The following NRCAM variants were observed in gnomAD, a reference collection of about 807,000 sequenced individuals.
The protein encoded by NRCAM is neuronal cell adhesion molecule.
In NRCAM, 83 loss-of-function variants were observed where a neutral mutation model predicts 156.5. The ratio of observed to expected loss-of-function variants is 0.53; its 90% CI spans 0.44 to 0.64. NRCAM has a LOEUF of 0.64. Among genes scored for constraint, NRCAM ranks in the 30% least tolerant of loss-of-function variants. The pLI is 0.00. For synonymous variants in NRCAM, 538 were observed against 563.9 expected, an observed-to-expected ratio of 0.95 and a Z score of 0.65; for missense variants, 1,417 against 1,597.3, an observed-to-expected ratio of 0.89 and a Z score of 1.92.
chr7:108,217,757 G>A (rs2090074295), intron 11 of NRCAM, among the ~76,000 whole-genome samples: 1 of 152,188 alleles, frequency 6.6e-6, no homozygotes, highest in South Asian at 2.1e-4. Flanking sequence ...AGTAATGGCA[G>A]ATGCCCATAC....
At chr7:108,410,020 A>C (rs1426306477) in intron 1 of NRCAM, among the ~76,000 whole-genome samples, 1 of 152,136 alleles carries the variant, frequency 6.6e-6, no homozygotes, top group African/African-American at 2.4e-5. Context: ...TTTGTTTTTA[A>C]ATCATTACAA....
intron 11 of NRCAM, among the ~76,000 whole-genome samples, chr7:108,213,207 C>T (rs1371973077): frequency 6.6e-6 from 1 of 152,090 alleles, no homozygotes; most frequent in Non-Finnish European, 1.5e-5. Context: ...AGAGAATTTG[C>T]CATTACCAAA....
intron 1 of NRCAM, among the ~76,000 whole-genome samples, chr7:108,432,955 A>C (rs1827557954): frequency 6.6e-6 from 1 of 152,016 alleles, no homozygotes; most frequent in African/African-American, 2.4e-5. Context: ...AAGGAGAAGG[A>C]GAAGGAGGAG....
intron 1 of NRCAM, among the ~76,000 whole-genome samples, chr7:108,418,560 TACACACACACACACACAC>T (rs59582056): frequency 7.7e-5 from 11 of 143,624 alleles, no homozygotes; most frequent in East Asian, 4.2e-4. Context: ...ATACATATTA[TACACACACACACACACAC>T]ACACACACAC....
chr7:108,245,146 C>T lies in NRCAM; in HGVS notation c.-106-4976G>A, dbSNP rs1402908689. Among the ~76,000 whole-genome samples, 3 of 152,064 alleles carry T rather than the reference C, an allele frequency of 2.0e-5. No homozygotes were observed. In the East Asian group the frequency reaches 5.8e-4, roughly 29 times the overall value. ...TCAAGGTGTAGGATGGTGTCACCTG[C>T]TTAAATGTCACGTGATATGTGAAGT... is the stretch of plus-strand genomic sequence containing the variant. On this transcript the variant is annotated intron_variant, in intron 3 of 32. Transcript: ENST00000379028.
chr7:108,292,748 G>A (rs75116470), intron 3 of NRCAM, among the ~76,000 whole-genome samples: 2,546 of 152,162 alleles, frequency 0.017, 58 homozygotes, highest in African/African-American at 0.059. Flanking sequence ...GGGTTATTAC[G>A]AAGTTTAAGT....
intron 2 of NRCAM, among the ~76,000 whole-genome samples, chr7:108,344,511 C>T (rs997993424): frequency 1.3e-5 from 2 of 151,872 alleles, no homozygotes; most frequent in African/African-American, 4.8e-5. Flanking sequence ...CCTGCAAAAA[C>T]CAAACCAAAA....
At chr7:108,446,862 G>A (rs1844855038) in intron 1 of NRCAM, among the ~76,000 whole-genome samples, 1 of 151,388 alleles carries the variant, frequency 6.6e-6, no homozygotes, top group South Asian at 2.1e-4. Context: ...TGAGTAGCTG[G>A]GATTACAGAC....
At chr7:108,332,800 C>T (rs902050082) in intron 2 of NRCAM, among the ~76,000 whole-genome samples, 3 of 152,136 alleles carry the variant, frequency 2.0e-5, no homozygotes, top group African/African-American at 4.8e-5. Flanking sequence ...TGTCTAACTG[C>T]ATCGCTTTTA....
At position 108,299,184 on chromosome 7, in the gene NRCAM, C is replaced by T. The variant is rs573568833; in HGVS notation, c.-107+13481G>A. On this transcript the variant is annotated intron_variant, in intron 3 of 32. Coordinates refer to ENST00000379028, the MANE Select transcript of NRCAM (RefSeq NM_001037132.4). ...AAAAACCCAAAACACTGGGTGAGGA[C>T]GCAAAGGGGCCAGGGAAAGGAGTAA... 1.6e-4 allele frequency among the ~76,000 whole-genome samples: 23 copies of T among 139,816 alleles called. 1 individual carries two copies. The East Asian group carries it at 2.3e-3, about 14-fold the overall frequency. 91.7% of individuals were successfully genotyped at this position (139,816 alleles called of 152,430 possible).
At chr7:108,191,621 C>T (rs1587468061) in intron 18 of NRCAM, 108 bp downstream of exon 18, 8 of 1,309,768 alleles carry the variant, frequency 6.1e-6, no homozygotes, top group Non-Finnish European at 7.2e-6. Context: ...ATGAACTCAC[C>T]CATGCATATT....
At chr7:108,186,930 G>C (rs981837153) in intron 20 of NRCAM, among the ~76,000 whole-genome samples, 1 of 152,126 alleles carries the variant, frequency 6.6e-6, no homozygotes, top group African/African-American at 2.4e-5. Flanking sequence ...AATGACATGG[G>C]ATATAAAGTT....
chr7:108,349,108 T>TA (rs2099392201), intron 2 of NRCAM, among the ~76,000 whole-genome samples: 1 of 152,116 alleles, frequency 6.6e-6, no homozygotes, highest in African/African-American at 2.4e-5. Flanking sequence ...TGATGAGTAA[T>TA]AGAGTGTGAC....
rs2063678699 is a variant in NRCAM at position 108,181,870 on chromosome 7, C to T, written c.2598G>A (p.Trp866Ter). 2 of 1,614,122 alleles carry T rather than the reference C, an allele frequency of 1.2e-6. No individual in the cohort carries two copies. The highest frequency in any genetic ancestry group is 1.7e-6 in the Non-Finnish European group (2 of 1,180,012). ...VVNSTLAEVH[W>*]DPVPLKSIRG... ...GGATGCTTTTCAGAGGTACTGGGTC[C>T]CAGTGCACCTCGGCTAAGGTACTGT... is the stretch of plus-strand genomic sequence containing the variant. Residue 866 changes from tryptophan to a stop codon, truncating the protein, a stop_gained, in exon 24 of 33, where the codon TGG (tryptophan) becomes TGA (stop). Transcript: ENST00000379028. LOFTEE classifies it high-confidence loss of function.
chr7:108,363,546 C>T (rs1231169094), intron 2 of NRCAM, among the ~76,000 whole-genome samples: 1 of 152,170 alleles, frequency 6.6e-6, no homozygotes, highest in African/African-American at 2.4e-5. Context: ...CTGCATCCAG[C>T]CCAACCCTCT....
intron 1 of NRCAM, among the ~76,000 whole-genome samples, chr7:108,423,191 G>A (rs1359177992): frequency 6.6e-6 from 1 of 152,056 alleles, no homozygotes; most frequent in African/African-American, 2.4e-5. Flanking sequence ...ATGGAATAAT[G>A]AAATATGTAC....
intron 3 of NRCAM, among the ~76,000 whole-genome samples, chr7:108,278,415 A>C (rs2097725784): frequency 6.6e-6 from 1 of 152,122 alleles, no homozygotes; most frequent in Admixed American, 6.5e-5. Flanking sequence ...CTTCCCTGCC[A>C]CTTTGTTTAC....
chr7:108,351,739 T>C (rs2099413970), intron 2 of NRCAM, among the ~76,000 whole-genome samples: 1 of 148,114 alleles, frequency 6.8e-6, no homozygotes, highest in African/African-American at 2.5e-5. Context: ...TAACTCATGA[T>C]TGTAGAGCAG....
intron 1 of NRCAM, among the ~76,000 whole-genome samples, chr7:108,416,220 T>C (rs1001901278): frequency 6.6e-6 from 1 of 152,336 alleles, no homozygotes; most frequent in East Asian, 1.9e-4. Flanking sequence ...TTGCTTTAAA[T>C]AAAACTGCAG....
Sources: gnomAD v4.1 joint callset for allele counts (sites outside exome capture counted in the v4.1 genomes callset) on GRCh38, gnomAD v4.1.1 for gene constraint, MANE v1.5 for transcripts, NCBI Gene and HGNC (gene_info 2026-07-23, HGNC 2026-07-21) for gene names.